Variants in KAT14 observed in about 807,000 individuals in gnomAD.
KAT14 encodes the protein lysine acetyltransferase 14.
KAT14 carries 66 observed loss-of-function variants against 78.4 expected under a neutral mutation model. The observed-to-expected ratio is 0.84, with a 90% confidence interval of 0.69 to 1.03. The LOEUF (loss-of-function observed/expected upper bound fraction) is 1.03, where lower values mean the gene tolerates loss of function less well. Ranked by LOEUF, KAT14 falls within the 50% of genes least tolerant of loss-of-function variation. The probability of loss-of-function intolerance (pLI) is 0.00; values close to 1 mark genes in which losing one functional copy is unlikely to be tolerated. For missense variants in KAT14, 870 were observed against 972.5 expected (o/e 0.89, Z 1.40); for synonymous variants, 344 against 359.4 (o/e 0.96, Z 0.48).
chr20:18,161,747 C>A (rs1600227122), intron 5 of KAT14, 76 bp from the exon 6 acceptor site: 1 of 1,527,454 alleles, frequency 6.5e-7, no homozygotes, highest in African/African-American at 1.4e-5. Flanking sequence ...CCGAAAACAT[C>A]TGAAATCCAA....
chr20:18,183,841 A>G (rs146584387), intron 9 of KAT14, among the ~76,000 whole-genome samples: 105 of 152,368 alleles, frequency 6.9e-4, no homozygotes, highest in Non-Finnish European at 1.1e-3. Context: ...ACACATTTGC[A>G]TTGCTAAATA....
intron 7 of KAT14, among the ~76,000 whole-genome samples, chr20:18,167,761 A>G (rs2038692927): frequency 6.6e-6 from 1 of 152,176 alleles, no homozygotes; most frequent in African/African-American, 2.4e-5. Flanking sequence ...CAGAGAAAAT[A>G]GTTTATGTGA....
intron 5 of KAT14, among the ~76,000 whole-genome samples, 187 bp downstream of exon 5, chr20:18,159,452 C>T (rs1042806672): frequency 1.3e-5 from 2 of 152,246 alleles, no homozygotes; most frequent in African/African-American, 4.8e-5. Flanking sequence ...CATTTTATCA[C>T]TTCCTAATCA....
chr20:18,170,086 A>G (rs1763877657), intron 7 of KAT14, among the ~76,000 whole-genome samples: 1 of 152,250 alleles, frequency 6.6e-6, no homozygotes, highest in African/African-American at 2.4e-5. Context: ...GAGGTTTAGG[A>G]AAGAAGGCAG....
intron 5 of KAT14, among the ~76,000 whole-genome samples, chr20:18,160,761 A>G (rs1049326152): frequency 6.6e-6 from 1 of 152,152 alleles, no homozygotes; most frequent in Non-Finnish European, 1.5e-5. Context: ...GTTACTTTAA[A>G]CAGTGCTACA....
chr20:18,142,228 CAG>C lies in KAT14; in HGVS notation c.-429_-428del. The C allele has an allele frequency of 6.5e-7, 1 of 1,537,052 alleles. No homozygotes were observed. The highest frequency in any genetic ancestry group is 8.7e-7 in the Non-Finnish European group (1 of 1,146,842). On this transcript the variant is annotated 5_prime_UTR_variant, in exon 2 of 11. An upstream open reading frame in the 5' UTR gains an earlier in-frame stop. Transcript: ENST00000688188. ...TTTAGAGGCTTCGTGACGGAGTTAT[CAG>C]AGACATTGAGAGGCAAATTCGGAAA...
chr20:18,143,273 A>G, intron 2 of KAT14: 1 of 732,636 alleles, frequency 1.4e-6, no homozygotes. Flanking sequence ...GTTTATAAAA[A>G]TTACTTTGTT....
At chr20:18,167,484 C>G (rs2038681926) in intron 7 of KAT14, among the ~76,000 whole-genome samples, 1 of 152,170 alleles carries the variant, frequency 6.6e-6, no homozygotes, top group East Asian at 1.9e-4. Flanking sequence ...GCTGTAAATG[C>G]ATTTATTCAA....
At chr20:18,146,181 T>A (rs2037818548) in intron 3 of KAT14, among the ~76,000 whole-genome samples, 1 of 152,244 alleles carries the variant, frequency 6.6e-6, no homozygotes, top group Admixed American at 6.5e-5. Flanking sequence ...TTAGTTTTGT[T>A]TCTATGTCAA....
rs375782746 is a variant in KAT14, at chr20:18,187,435, A to T, written c.2322A>T (p.Ala774=). 1.2e-6 allele frequency: 2 copies of T among 1,614,178 alleles called. No homozygotes were observed. ...YPLESTECKH[A]FFLRLRR ...TGGAGAGTACAGAGTGTAAACACGC[A>T]TTCTTTCTGAGGCTCCGGCGCTGAT... The change falls in exon 11 of 11, where the codon GCA becomes GCT. Residue 774 remains alanine, a synonymous_variant. Coordinates refer to ENST00000688188, the MANE Select transcript of KAT14 (RefSeq NM_001392073.1).
At chr20:18,140,533 G>A (rs1306291675) in intron 1 of KAT14, among the ~76,000 whole-genome samples, 1 of 152,068 alleles carries the variant, frequency 6.6e-6, no homozygotes, top group Non-Finnish European at 1.5e-5. Flanking sequence ...TTATTGGCCA[G>A]GCACGGTAGC....
chr20:18,138,274 G>C, intron 1 of KAT14: 2 of 1,222,236 alleles, frequency 1.6e-6, no homozygotes, highest in African/African-American at 1.6e-5. Flanking sequence ...GATTCAGGAC[G>C]ACCCGGCTGC....
chr20:18,148,184 A>G (rs2037894136), intron 3 of KAT14, among the ~76,000 whole-genome samples: 1 of 152,186 alleles, frequency 6.6e-6, no homozygotes, highest in African/African-American at 2.4e-5. Flanking sequence ...GATTTACCAA[A>G]GAAATATGTA....
At chr20:18,141,353 C>T (rs1359676656) in intron 1 of KAT14, among the ~76,000 whole-genome samples, 1 of 152,030 alleles carries the variant, frequency 6.6e-6, no homozygotes, top group African/African-American at 2.4e-5. Flanking sequence ...ATTTTTTCCG[C>T]TGGTAGTAGC....
rs73899818 is a variant in KAT14, at chr20:18,186,636, A to C, written c.2173-650A>C. ...CTTACTCTGTGTAGCTGATTAAAGAATCTAAGGACTTGCCTTGTGTTGATA... is the reference window on the plus strand; with the variant it reads ...CTTACTCTGTGTAGCTGATTAAAGACTCTAAGGACTTGCCTTGTGTTGATA... On this transcript the variant is annotated intron_variant, in intron 10 of 10. Coordinates refer to ENST00000688188, the MANE Select transcript of KAT14 (RefSeq NM_001392073.1). Among the ~76,000 whole-genome samples the C allele has an allele frequency of 3.8e-3, 577 of 152,328 alleles. 3 individuals are homozygous for C. Among genetic ancestry groups the C allele is most frequent in the African/African-American group, 0.013 (551 of 41,566 alleles).
chr20:18,158,061 C>T (rs578067899), intron 4 of KAT14, among the ~76,000 whole-genome samples: 3 of 152,274 alleles, frequency 2.0e-5, no homozygotes, highest in African/African-American at 2.4e-5. Flanking sequence ...CTCACCCTCC[C>T]GAGTAGCTGG....
rs753216381 is a variant in KAT14, at chr20:18,162,438, T to G, written c.1161T>G (p.Pro387=). ...CAGGGATGGAGTACGTCCCACCCCCTGCTGGGTCAGTAGCTTCTGGGCCAG... is the reference window on the plus strand; with the variant it reads ...CAGGGATGGAGTACGTCCCACCCCCGGCTGGGTCAGTAGCTTCTGGGCCAG... The part of the protein sequence containing the change: ...IDPGMEYVPP[P]AGSVASGPVV... The change falls in exon 7 of 11, where the codon CCT becomes CCG. Residue 387 remains proline (P), a synonymous_variant. Transcript: ENST00000688188. 13 of 1,614,132 alleles carry G rather than the reference T, an allele frequency of 8.1e-6. No homozygotes were observed. Among genetic ancestry groups the G allele is most frequent in the Middle Eastern group, 1.6e-4 (1 of 6,062 alleles).
intron 10 of KAT14, 32 bp downstream of exon 10, chr20:18,184,824 G>A: frequency 6.4e-7 from 1 of 1,573,154 alleles, no homozygotes; most frequent in Non-Finnish European, 8.6e-7. Flanking sequence ...TTTATCACCT[G>A]TGTCTGGGCT....
At chr20:18,185,078 T>C (rs918153459) in intron 10 of KAT14, among the ~76,000 whole-genome samples, 3 of 152,220 alleles carry the variant, frequency 2.0e-5, no homozygotes, top group Non-Finnish European at 4.4e-5. Flanking sequence ...GCAAGAGCTT[T>C]AGGGTGGACT....
Sources: allele counts gnomAD v4.1 joint callset (sites outside exome capture counted in the v4.1 genomes callset), GRCh38; gene constraint gnomAD v4.1.1; transcripts MANE v1.5; gene names NCBI Gene and HGNC (gene_info 2026-07-23, HGNC 2026-07-21).